CEP112: variants seen among roughly 807,000 people sequenced by gnomAD.
CEP112 encodes the protein centrosomal protein 112, also known as centrosomal protein of 112 kDa.
In CEP112, 127 loss-of-function variants were observed where a neutral mutation model predicts 153.0. The observed-to-expected ratio is 0.83, with a 90% CI of 0.72 to 0.96. The LOEUF is 0.96. Among genes scored for constraint, CEP112 ranks in the 40% least tolerant of loss-of-function variants. The pLI is 0.00. For synonymous variants in CEP112, 358 were observed against 374.4 expected (o/e 0.96, Z 0.51); for missense variants, 1,089 against 1,101.2 (o/e 0.99, Z 0.16).
chr17:65,744,698 T>G (rs1174055711), intron 22 of CEP112, among the ~76,000 whole-genome samples: 2 of 152,224 alleles, frequency 1.3e-5, no homozygotes, highest in Non-Finnish European at 2.9e-5. Context: ...TTTAAGAATC[T>G]GTTCTCTCCA....
intron 17 of CEP112, among the ~76,000 whole-genome samples, chr17:65,987,892 G>A (rs1568342937): frequency 6.6e-6 from 1 of 152,120 alleles, no homozygotes; most frequent in Non-Finnish European, 1.5e-5. Context: ...TGGGTTCCCT[G>A]GCAGAGGACC....
chr17:65,668,834 C>A (rs1598263103), intron 24 of CEP112, among the ~76,000 whole-genome samples: 2 of 152,326 alleles, frequency 1.3e-5, no homozygotes, highest in East Asian at 3.9e-4. Flanking sequence ...GCCAGGCAAG[C>A]ACCACACAAA....
intron 21 of CEP112, among the ~76,000 whole-genome samples, chr17:65,811,522 T>C (rs953363690): frequency 1.3e-5 from 2 of 152,106 alleles, no homozygotes; most frequent in Admixed American, 1.3e-4. Flanking sequence ...CCTGAACAGG[T>C]GGCTGAGGTG....
intron 20 of CEP112, among the ~76,000 whole-genome samples, chr17:65,901,396 T>C (rs2143528496): frequency 6.6e-6 from 1 of 152,334 alleles, no homozygotes; most frequent in East Asian, 1.9e-4. Flanking sequence ...CTAAAGGCCC[T>C]TGATTATATA....
intron 18 of CEP112, among the ~76,000 whole-genome samples, chr17:65,955,131 A>G (rs896898295): frequency 6.6e-6 from 1 of 152,208 alleles, no homozygotes; most frequent in Admixed American, 6.5e-5. Context: ...CAGGTAGCCT[A>G]GAAAGGTAAA....
intron 16 of CEP112, among the ~76,000 whole-genome samples, chr17:66,024,467 T>TA (rs1360921582): frequency 6.6e-6 from 1 of 152,028 alleles, no homozygotes; most frequent in East Asian, 1.9e-4. Context: ...CTGAATTCAG[T>TA]AAATTTTAGG....
chr17:65,676,366 T>A (rs1034902405), intron 24 of CEP112, among the ~76,000 whole-genome samples: 1 of 149,544 alleles, frequency 6.7e-6, no homozygotes, highest in African/African-American at 2.5e-5. Flanking sequence ...AAAAATAGCA[T>A]TATAATGTGT....
chr17:65,913,572 T>C, intron 19 of CEP112: 1 of 985,214 alleles, frequency 1.0e-6, no homozygotes. Flanking sequence ...AGATGTTTGC[T>C]ACATCCATGA....
intron 21 of CEP112, among the ~76,000 whole-genome samples, chr17:65,794,242 G>T (rs984680861): frequency 6.6e-6 from 1 of 152,000 alleles, no homozygotes; most frequent in Non-Finnish European, 1.5e-5. Flanking sequence ...ATCTTTGTAC[G>T]CATCCCCATG....
chr17:66,081,829 C>T lies in CEP112; in HGVS notation c.769-11828G>A, dbSNP rs1438085297. ...ACTCGGGAGGCTGAGGCAGGAGAATCGCTTGAACCCAGGAGACAGAGATTA... is the reference window on the plus strand; with the variant it reads ...ACTCGGGAGGCTGAGGCAGGAGAATTGCTTGAACCCAGGAGACAGAGATTA... On this transcript the variant is annotated intron_variant, in intron 8 of 26. Transcript: ENST00000535342. Among the ~76,000 whole-genome samples the T allele has an allele frequency of 2.8e-4, 43 of 152,014 alleles. 1 individual carries two copies. Among genetic ancestry groups the T allele is most frequent in the Admixed American group, 2.6e-3 (40 of 15,242 alleles).
At chr17:65,931,699 G>A (rs2061130395) in intron 18 of CEP112, among the ~76,000 whole-genome samples, 2 of 152,230 alleles carry the variant, frequency 1.3e-5, no homozygotes, top group Admixed American at 6.5e-5. Flanking sequence ...CAAGTCCCTA[G>A]CCAGATTTGC....
Position 65,846,015 on chromosome 17 carries a change from T to C in CEP112, c.2394+5789A>G, listed in dbSNP as rs568440972. On this transcript the variant is annotated intron_variant, in intron 21 of 26. Transcript: ENST00000535342. ...GCTACTGAAACAACACAGACCCATATAGAATGTCACACTGAGATTATTTAT... is the reference window on the plus strand; with the variant it reads ...GCTACTGAAACAACACAGACCCATACAGAATGTCACACTGAGATTATTTAT... Among the ~76,000 whole-genome samples the C allele has an allele frequency of 4.6e-5, 7 of 152,330 alleles. No individual in the cohort carries two copies. In the East Asian group the frequency reaches 9.6e-4, roughly 21 times the overall value.
At chr17:66,110,330 CAAAAAAGAAAA>C (rs931842599) in intron 6 of CEP112, among the ~76,000 whole-genome samples, 17 of 115,660 alleles carry the variant, frequency 1.5e-4, no homozygotes, top group Admixed American at 6.6e-4. Flanking sequence ...GACTCTAGCT[CAAAAAAGAAAA>C]AAAAAAGAAA....
At chr17:65,724,414 C>G (rs1296567808) in intron 23 of CEP112, among the ~76,000 whole-genome samples, 1 of 152,084 alleles carries the variant, frequency 6.6e-6, no homozygotes, top group Non-Finnish European at 1.5e-5. Context: ...AGCAACAAGT[C>G]CCTTAAAAAT....
At chr17:65,764,462 CTAATATA>C (rs2052815972) in intron 21 of CEP112, among the ~76,000 whole-genome samples, 1 of 152,236 alleles carries the variant, frequency 6.6e-6, no homozygotes, top group Admixed American at 6.5e-5. Context: ...GCTCTAATGT[CTAATATA>C]TATTTACACT....
chr17:66,171,904 T>C lies in CEP112; in HGVS notation c.470+3140A>G, dbSNP rs1014997607. ...TTTAAGCATGTCCTTTCCAGCTCCT[T>C]CATTGTCATTCCTCACAGTGTGTGA... On this transcript the variant is annotated intron_variant, in intron 4 of 26. Transcript: ENST00000535342. 2.6e-5 allele frequency among the ~76,000 whole-genome samples: 4 copies of C among 152,342 alleles called. No homozygotes were observed. In the East Asian group the frequency reaches 5.8e-4, roughly 22 times the overall value.
At chr17:65,911,595 G>A (rs1014648840) in intron 19 of CEP112, among the ~76,000 whole-genome samples, 76 of 152,210 alleles carry the variant, frequency 5.0e-4, no homozygotes, top group Middle Eastern at 3.4e-3. Context: ...TTGGGAGGCC[G>A]AGGTGAGATG....
At chr17:65,837,880 T>C (rs186498580) in intron 21 of CEP112, among the ~76,000 whole-genome samples, 6 of 152,150 alleles carry the variant, frequency 3.9e-5, no homozygotes, top group Admixed American at 2.0e-4. Context: ...AAATAGATGC[T>C]TGAAGGCAGC....
At chr17:65,755,343 A>T (rs569214770) in intron 21 of CEP112, among the ~76,000 whole-genome samples, 1 of 152,182 alleles carries the variant, frequency 6.6e-6, no homozygotes, top group East Asian at 1.9e-4. Context: ...ATTGCATGAC[A>T]ACTCACTCAC....
Sources: allele counts gnomAD v4.1 joint callset (sites outside exome capture counted in the v4.1 genomes callset), GRCh38; gene constraint gnomAD v4.1.1; transcripts MANE v1.5; gene names NCBI Gene and HGNC (gene_info 2026-07-23, HGNC 2026-07-21).